The following CPS1 variants were observed in gnomAD, a reference collection of about 807,000 sequenced individuals.
CPS1 encodes the protein carbamoyl-phosphate synthase [ammonia], mitochondrial.
Under a neutral mutation model 174.6 loss-of-function variants are expected in CPS1, and 109 were observed. That is an observed-to-expected ratio of 0.62 (90% CI 0.53 to 0.73). The LOEUF (loss-of-function observed/expected upper bound fraction) is 0.73, where lower values mean the gene tolerates loss of function less well. CPS1 is among the 30% of genes least tolerant of loss of function. The probability of loss-of-function intolerance (pLI) is 0.00; values close to 1 mark genes in which losing one functional copy is unlikely to be tolerated. For synonymous variants in CPS1, 637 were observed against 632.0 expected, an observed-to-expected ratio of 1.01 and a Z score of -0.12; for missense variants, 1,689 against 1,821.9, an observed-to-expected ratio of 0.93 and a Z score of 1.33.
upstream of CPS1, among the ~76,000 whole-genome samples, chr2:210,552,913 A>G (rs575918677): frequency 1.8e-4 from 27 of 152,156 alleles, no homozygotes; most frequent in African/African-American, 4.8e-4. Flanking sequence ...AAGCAAAATA[A>G]TATTTTCTAC....
At chr2:210,596,874 G>C (rs1698498615) in intron 13 of CPS1, among the ~76,000 whole-genome samples, 1 of 151,632 alleles carries the variant, frequency 6.6e-6, no homozygotes, top group African/African-American at 2.4e-5. Context: ...TAAAGAACAG[G>C]AATTATTAGA....
intron 35 of CPS1, 63 bp from the exon 36 acceptor site, chr2:210,675,665 C>A (rs1701501321): frequency 3.6e-6 from 3 of 827,070 alleles, no homozygotes; most frequent in Middle Eastern, 2.2e-4. Flanking sequence ...TTTTAAATTA[C>A]ATGTTCCATA....
intron 7 of CPS1, among the ~76,000 whole-genome samples, chr2:210,589,521 T>G (rs958518013): frequency 6.6e-6 from 1 of 152,034 alleles, no homozygotes; most frequent in African/African-American, 2.4e-5. Flanking sequence ...TTTATATCTT[T>G]TTGCAACTGG....
Position 210,559,377 on chromosome 2 carries a change from C to T in CPS1, c.126+2518C>T, listed in dbSNP as rs567915257. 7.9e-5 allele frequency among the ~76,000 whole-genome samples: 12 copies of T among 152,078 alleles called. No individual in the cohort carries two copies. In the South Asian group the frequency reaches 1.0e-3, roughly 13 times the overall value. On this transcript the variant is annotated intron_variant, in intron 1 of 37. Coordinates refer to ENST00000233072, the MANE Select transcript of CPS1 (RefSeq NM_001875.5). ...TTTCCTCTCTCTTTGATGACAGAGA[C>T]GGTGGGTTTGACGACAGCAATGACG...
chr2:210,678,109 A>T lies in CPS1; in HGVS notation c.*124A>T, dbSNP rs1574683179. ...AAACTTCATTTCAGTTTACTTTGTT[A>T]TGCCTTAATATTCTGTGTCTTTTGC... On this transcript the variant is annotated 3_prime_UTR_variant, in exon 38 of 38. Transcript: ENST00000233072. The T allele has an allele frequency of 6.2e-6, 5 of 809,660 alleles. No individual in the cohort carries two copies. The East Asian group carries it at 1.2e-4, about 20-fold the overall frequency. 50.2% of individuals were successfully genotyped at this position (809,660 alleles called of 1,614,324 possible).
chr2:210,535,197 G>C (rs1696214733), intron 1 of CPS1, among the ~76,000 whole-genome samples: 1 of 152,164 alleles, frequency 6.6e-6, no homozygotes, highest in African/African-American at 2.4e-5. Context: ...ACATACCCCA[G>C]CTTTTGTGGT....
At chr2:210,606,702 C>A (rs1178914124) in intron 17 of CPS1, 29 bp from the exon 18 acceptor site, 1 of 1,602,802 alleles carries the variant, frequency 6.2e-7, no homozygotes, top group Non-Finnish European at 8.5e-7. Context: ...AATATGCCAC[C>A]AAGTAATGAG....
At chr2:210,512,540 CTT>C (rs1251309231) in intron 1 of CPS1, among the ~76,000 whole-genome samples, 1 of 151,262 alleles carries the variant, frequency 6.6e-6, no homozygotes, top group Non-Finnish European at 1.5e-5. Flanking sequence ...TGATTTTATT[CTT>C]TTTTTATGGC....
chr2:210,505,464 G>A (rs1351510427), intron 1 of CPS1, among the ~76,000 whole-genome samples: 1 of 152,102 alleles, frequency 6.6e-6, no homozygotes, highest in Admixed American at 6.5e-5. Context: ...CGGCGTGAGC[G>A]ACACAGAAGA....
intron 1 of CPS1, among the ~76,000 whole-genome samples, chr2:210,499,285 A>G (rs1186465376): frequency 1.3e-5 from 2 of 152,082 alleles, no homozygotes; most frequent in Non-Finnish European, 2.9e-5. Flanking sequence ...GATCCCAGAG[A>G]AGGAGGTTGG....
chr2:210,656,293 TA>T (rs1700702788), intron 29 of CPS1, among the ~76,000 whole-genome samples: 1 of 152,204 alleles, frequency 6.6e-6, no homozygotes, highest in African/African-American at 2.4e-5. Flanking sequence ...ATACCCATGC[TA>T]ATCAGTGGAT....
At chr2:210,631,952 C>T (rs1401331463) in intron 21 of CPS1, among the ~76,000 whole-genome samples, 1 of 152,134 alleles carries the variant, frequency 6.6e-6, no homozygotes, top group Non-Finnish European at 1.5e-5. Context: ...ATGCTTTCTT[C>T]AGCTGATCAC....
intron 1 of CPS1, among the ~76,000 whole-genome samples, chr2:210,522,296 A>T (rs1310703553): frequency 1.3e-5 from 2 of 151,986 alleles, no homozygotes; most frequent in East Asian, 3.9e-4. Context: ...AATGCCTTTG[A>T]AGTCAAATTT....
chr2:210,506,080 C>T (rs746080360), intron 1 of CPS1, among the ~76,000 whole-genome samples: 4 of 152,196 alleles, frequency 2.6e-5, no homozygotes, highest in Non-Finnish European at 5.9e-5. Flanking sequence ...AATGGACAGA[C>T]TGCCTCCTCA....
chr2:210,502,822 G>A (rs546640719), intron 1 of CPS1, among the ~76,000 whole-genome samples: 1 of 152,114 alleles, frequency 6.6e-6, no homozygotes, highest in Non-Finnish European at 1.5e-5. Context: ...GCAACAAAAA[G>A]GGTAACTTGT....
chr2:210,663,621 A>G (rs1281870908), intron 33 of CPS1, among the ~76,000 whole-genome samples: 1 of 152,166 alleles, frequency 6.6e-6, no homozygotes, highest in Non-Finnish European at 1.5e-5. Context: ...CATAGACCTA[A>G]ACATTGTGGA....
At chr2:210,599,603 A>G (rs763668124) in intron 14 of CPS1, 42 bp downstream of exon 14, 2 of 1,565,312 alleles carry the variant, frequency 1.3e-6, no homozygotes, top group Non-Finnish European at 1.8e-6. Context: ...TGACATATGC[A>G]CTGCTGTGTA....
chr2:210,621,593 A>G (rs907286195), intron 21 of CPS1, among the ~76,000 whole-genome samples: 6 of 152,124 alleles, frequency 3.9e-5, no homozygotes, highest in Non-Finnish European at 8.8e-5. Flanking sequence ...TCCGATCTGT[A>G]AGAAATTATA....
intron 9 of CPS1, among the ~76,000 whole-genome samples, chr2:210,591,191 AAAGTT>A (rs1488117623): frequency 1.3e-5 from 2 of 152,010 alleles, no homozygotes; most frequent in Non-Finnish European, 2.9e-5. Flanking sequence ...GCTATAATTT[AAAGTT>A]ATTTTCCTTC....
Sources: allele counts gnomAD v4.1 joint callset (sites outside exome capture counted in the v4.1 genomes callset), GRCh38; gene constraint gnomAD v4.1.1; transcripts MANE v1.5; gene names NCBI Gene and HGNC (gene_info 2026-07-23, HGNC 2026-07-21).